The following TPTE variants were observed in gnomAD, a reference collection of about 807,000 sequenced individuals.
TPTE encodes putative tyrosine-protein phosphatase TPTE.
In TPTE, 59 loss-of-function variants were observed where a neutral mutation model predicts 84.1. That is an observed-to-expected ratio of 0.70 (90% CI 0.57 to 0.87). The LOEUF (loss-of-function observed/expected upper bound fraction) is 0.87, where lower values mean the gene tolerates loss of function less well. Among genes scored for constraint, TPTE ranks in the 40% least tolerant of loss-of-function variants. TPTE has a pLI of 0.00. For missense variants in TPTE, 382 were observed against 659.6 expected (o/e 0.58, Z 4.61); for synonymous variants, 130 against 223.5 (o/e 0.58, Z 3.73).
At chr21:10,590,371 AAG>A in intron 17 of TPTE, 89 bp from the exon 18 acceptor site, 1 of 1,595,684 alleles carries the variant, frequency 6.3e-7, no homozygotes, top group African/African-American at 1.3e-5. Context: ...AAAAAAAAGA[AAG>A]AAAATCAAGT....
At chr21:10,523,685 T>C (rs1408098667) in intron 1 of TPTE, among the ~76,000 whole-genome samples, 1 of 152,310 alleles carries the variant, frequency 6.6e-6, no homozygotes, top group African/African-American at 2.4e-5. Context: ...ATTTTCTTAA[T>C]CCAGTCTATC....
At chr21:10,580,058 G>T (rs1431025292) in intron 17 of TPTE, among the ~76,000 whole-genome samples, 1 of 152,310 alleles carries the variant, frequency 6.6e-6, no homozygotes, top group Non-Finnish European at 1.5e-5. Context: ...CCTAACAGGT[G>T]TGAGGATATC....
At chr21:10,546,645 G>A (rs1031490191) in intron 7 of TPTE, among the ~76,000 whole-genome samples, 3 of 152,308 alleles carry the variant, frequency 2.0e-5, no homozygotes, top group African/African-American at 4.8e-5. Flanking sequence ...TGTTGAGAAA[G>A]CAAAACAGTC....
intron 8 of TPTE, among the ~76,000 whole-genome samples, chr21:10,558,981 G>A (rs2338981): frequency 5.9e-5 from 9 of 152,286 alleles, no homozygotes; most frequent in Admixed American, 2.0e-4. Flanking sequence ...TCTGAAGTTC[G>A]TTTGCAACCT....
intron 1 of TPTE, among the ~76,000 whole-genome samples, chr21:10,523,038 A>G (rs2074011347): frequency 6.6e-6 from 1 of 152,312 alleles, no homozygotes; most frequent in African/African-American, 2.4e-5. Flanking sequence ...TTTAGAAAAC[A>G]CTAAGCAAAC....
intron 10 of TPTE, among the ~76,000 whole-genome samples, chr21:10,561,883 GTAAAC>G (rs1356690029): frequency 6.6e-6 from 1 of 152,312 alleles, no homozygotes; most frequent in Non-Finnish European, 1.5e-5. Context: ...AGGGCCTTCA[GTAAAC>G]TCCTGCAATA....
intron 14 of TPTE, chr21:10,576,712 T>C (rs796469748): frequency 3.9e-5 from 6 of 152,406 alleles, no homozygotes; most frequent in African/African-American, 1.4e-4. Context: ...CACAGAGATA[T>C]ATACGTATGT....
At chr21:10,600,402 G>T (rs1600989320) in intron 21 of TPTE, among the ~76,000 whole-genome samples, 1 of 152,310 alleles carries the variant, frequency 6.6e-6, no homozygotes, top group East Asian at 1.9e-4. Flanking sequence ...ACCTACCAAA[G>T]TGCTAGGATT....
rs2074386636 is a variant in TPTE at position 10,542,453 on chromosome 21, GCAA to G, written c.119+6_119+8del. On this transcript the variant is annotated splice_donor_region_variant and intron_variant, in intron 6 of 23. Transcript: ENST00000618007. ...GGAGGCACCTGCGAAAGAAAGGTGA[GCAA>G]TAAATAGTTAAAGTCACCCGTCAGC... 1 of 1,610,808 alleles carries G rather than the reference GCAA, an allele frequency of 6.2e-7. No homozygotes were observed. The highest frequency in any genetic ancestry group is 1.3e-5 in the African/African-American group (1 of 74,910).
intron 1 of TPTE, among the ~76,000 whole-genome samples, chr21:10,523,125 A>G (rs984683788): frequency 6.6e-6 from 1 of 152,306 alleles, no homozygotes; most frequent in African/African-American, 2.4e-5. Flanking sequence ...ACTTGATGTA[A>G]ACTTCTTCAT....
At chr21:10,560,485 A>T (rs1431412801) in intron 9 of TPTE, among the ~76,000 whole-genome samples, 3 of 152,310 alleles carry the variant, frequency 2.0e-5, no homozygotes, top group Non-Finnish European at 4.4e-5. Context: ...GGTACTTTAG[A>T]GTTCAAGACT....
intron 21 of TPTE, among the ~76,000 whole-genome samples, chr21:10,599,439 ACTGTGTG>A (rs2075648802): frequency 6.6e-6 from 1 of 152,312 alleles, no homozygotes; most frequent in Non-Finnish European, 1.5e-5. Flanking sequence ...CAGAAGACAC[ACTGTGTG>A]CCTGTAGTCA....
intron 9 of TPTE, among the ~76,000 whole-genome samples, chr21:10,560,276 T>C (rs1232970575): frequency 6.6e-6 from 1 of 152,308 alleles, no homozygotes; most frequent in Admixed American, 6.5e-5. Context: ...TAGACTCTTC[T>C]CTACATAAGA....
chr21:10,604,124 A>G (rs1467208768), intron 23 of TPTE, among the ~76,000 whole-genome samples: 1 of 152,306 alleles, frequency 6.6e-6, no homozygotes, highest in Non-Finnish European at 1.5e-5. Flanking sequence ...CAGCTAAGAA[A>G]TATCATTAAG....
rs575151372 is a variant in TPTE, at chr21:10,542,553, A to G, written c.119+105A>G. On this transcript the variant is annotated intron_variant, in intron 6 of 23. Transcript: ENST00000618007. The stretch of plus-strand genomic sequence containing the variant: ...ACCCCATCCATCCATCCATCCATCC[A>G]TCCATCCATTCATCCATCCATCCAT... 44 of 1,393,312 alleles carry G rather than the reference A, an allele frequency of 3.2e-5. No individual in the cohort carries two copies. In the African/African-American group the frequency reaches 6.2e-4, roughly 20 times the overall value. The allele number at this position is 1,393,312 out of a possible 1,614,324, so 86.3% of individuals were successfully genotyped here.
At chr21:10,523,933 A>AG (rs2074033783) in intron 1 of TPTE, among the ~76,000 whole-genome samples, 1 of 152,304 alleles carries the variant, frequency 6.6e-6, no homozygotes, top group Non-Finnish European at 1.5e-5. Context: ...AAGTGTTCCT[A>AG]TTTCTCCACA....
At chr21:10,582,678 C>G (rs1340380178) in intron 17 of TPTE, among the ~76,000 whole-genome samples, 1 of 152,310 alleles carries the variant, frequency 6.6e-6, no homozygotes, top group Non-Finnish European at 1.5e-5. Context: ...AAAATGGAAT[C>G]TCTTTTTTTC....
At chr21:10,554,131 A>T (rs1310199627) in intron 8 of TPTE, among the ~76,000 whole-genome samples, 1 of 152,270 alleles carries the variant, frequency 6.6e-6, no homozygotes, top group Non-Finnish European at 1.5e-5. Flanking sequence ...TAATGACATC[A>T]TGGCTATATT....
intron 17 of TPTE, among the ~76,000 whole-genome samples, chr21:10,587,543 A>G (rs1357301322): frequency 6.6e-6 from 1 of 152,224 alleles, no homozygotes; most frequent in Non-Finnish European, 1.5e-5. Flanking sequence ...TGCAAAGGAA[A>G]TGATTTCTTT....
Sources: allele counts gnomAD v4.1 joint callset (sites outside exome capture counted in the v4.1 genomes callset), GRCh38; gene constraint gnomAD v4.1.1; transcripts MANE v1.5; gene names NCBI Gene and HGNC (gene_info 2026-07-23, HGNC 2026-07-21).